The following GPR158 variants were observed in gnomAD, a reference collection of about 807,000 sequenced individuals.
GPR158 encodes metabotropic glycine receptor.
GPR158 carries 30 observed loss-of-function variants against 78.2 expected under a neutral mutation model. The ratio of observed to expected loss-of-function variants is 0.38; its 90% CI spans 0.29 to 0.52. GPR158 has a LOEUF of 0.52. Ranked by LOEUF, GPR158 falls within the 20% of genes least tolerant of loss-of-function variation. GPR158 has a pLI of 0.83. For synonymous variants in GPR158, 581 were observed against 591.1 expected (o/e 0.98, Z 0.25); for missense variants, 1,463 against 1,523.5 (o/e 0.96, Z 0.66).
intron 2 of GPR158, among the ~76,000 whole-genome samples, chr10:25,348,841 G>T (rs1429433677): frequency 6.6e-6 from 1 of 151,962 alleles, no homozygotes; most frequent in Non-Finnish European, 1.5e-5. Context: ...CCTGAAACTT[G>T]CTTTGAAGAT....
chr10:25,380,136 G>A (rs767204909), intron 2 of GPR158, among the ~76,000 whole-genome samples: 12 of 151,830 alleles, frequency 7.9e-5, no homozygotes, highest in Admixed American at 2.0e-4. Flanking sequence ...TGTCATGCTT[G>A]TGCTAGGATT....
At chr10:25,420,870 T>G (rs1032368279) in intron 4 of GPR158, among the ~76,000 whole-genome samples, 2 of 152,204 alleles carry the variant, frequency 1.3e-5, no homozygotes, top group African/African-American at 2.4e-5. Context: ...TACTATATCT[T>G]TGTAGTAAAT....
At chr10:25,565,614 T>C (rs546479437) in intron 6 of GPR158, among the ~76,000 whole-genome samples, 1 of 152,238 alleles carries the variant, frequency 6.6e-6, no homozygotes, top group African/African-American at 2.4e-5. Flanking sequence ...AGTAAGAAGA[T>C]AGGAGTTTTG....
At chr10:25,243,308 G>A (rs1166351689) in intron 2 of GPR158, among the ~76,000 whole-genome samples, 1 of 145,586 alleles carries the variant, frequency 6.9e-6, no homozygotes, top group Non-Finnish European at 1.6e-5. Flanking sequence ...GTCATCAATA[G>A]AAGCAAGCTG....
intron 5 of GPR158, among the ~76,000 whole-genome samples, chr10:25,491,189 A>C (rs748400976): frequency 1.3e-5 from 2 of 152,160 alleles, no homozygotes; most frequent in African/African-American, 2.4e-5. Context: ...TTTGTAAAAG[A>C]GTCAATTATT....
At chr10:25,421,678 T>C (rs1276404871) in intron 4 of GPR158, among the ~76,000 whole-genome samples, 2 of 152,200 alleles carry the variant, frequency 1.3e-5, no homozygotes, top group Non-Finnish European at 2.9e-5. Flanking sequence ...CTAATAAATA[T>C]AACATTACTT....
chr10:25,476,919 G>T (rs1427340602), intron 5 of GPR158, among the ~76,000 whole-genome samples: 1 of 152,046 alleles, frequency 6.6e-6, no homozygotes, highest in Non-Finnish European at 1.5e-5. Context: ...GTAAGTTCCC[G>T]AGGAGCTTGG....
chr10:25,417,755 A>G (rs1834682599), intron 4 of GPR158, among the ~76,000 whole-genome samples: 1 of 152,154 alleles, frequency 6.6e-6, no homozygotes, highest in Admixed American at 6.5e-5. Flanking sequence ...GAAGAGAAGT[A>G]CATGCTCTCA....
intron 4 of GPR158, among the ~76,000 whole-genome samples, chr10:25,443,233 G>T (rs1835091730): frequency 6.6e-6 from 1 of 152,020 alleles, no homozygotes; most frequent in African/African-American, 2.4e-5. Flanking sequence ...CTATAGGCAG[G>T]TACTGCCATG....
chr10:25,390,022 G>A (rs183447923), intron 2 of GPR158, among the ~76,000 whole-genome samples: 58 of 152,244 alleles, frequency 3.8e-4, no homozygotes, highest in Admixed American at 2.7e-3. Flanking sequence ...TTTATAAAGG[G>A]CAGTTCCTCT....
chr10:25,487,258 A>G (rs1003812702), intron 5 of GPR158, among the ~76,000 whole-genome samples: 2 of 152,134 alleles, frequency 1.3e-5, no homozygotes, highest in Non-Finnish European at 1.5e-5. Flanking sequence ...TAAGCAGCCT[A>G]CAAGACAAAA....
chr10:25,189,634 C>T (rs746211928), intron 1 of GPR158, among the ~76,000 whole-genome samples: 1 of 146,208 alleles, frequency 6.8e-6, no homozygotes, highest in Non-Finnish European at 1.5e-5. Context: ...AGGGGCCTGT[C>T]GTGGGGTTGG....
chr10:25,537,293 A>G (rs1195300088), intron 5 of GPR158, among the ~76,000 whole-genome samples: 4 of 152,342 alleles, frequency 2.6e-5, no homozygotes, highest in South Asian at 4.1e-4. Flanking sequence ...CAGCCTTAAT[A>G]TAGTAATATG....
chr10:25,312,536 A>G (rs116138344), intron 2 of GPR158, among the ~76,000 whole-genome samples: 2,698 of 152,236 alleles, frequency 0.018, 63 homozygotes, highest in African/African-American at 0.051. Flanking sequence ...CTTTAATCTG[A>G]ATAACCATAA....
In GPR158 at chr10:25,341,843, AAAAC is replaced by A. The variant is rs201648836; in HGVS notation, c.1009-54064_1009-54061del. Among the ~76,000 whole-genome samples the A allele has an allele frequency of 5.7e-3, 860 of 151,984 alleles. 8 individuals are homozygous for A. Among genetic ancestry groups the A allele is most frequent in the African/African-American group, 0.02 (810 of 41,482 alleles). On this transcript the variant is annotated intron_variant, in intron 2 of 10. Transcript: ENST00000376351. ...TTTATATGTATTCTGAAAAAAAACAAAAACAAAAACAAAAAAAAACAGAGCAAAT... is the reference window on the plus strand; with the variant it reads ...TTTATATGTATTCTGAAAAAAAACAAAAAAACAAAAAAAAACAGAGCAAAT...
At chr10:25,366,361 T>A (rs1855723636) in intron 2 of GPR158, among the ~76,000 whole-genome samples, 1 of 109,444 alleles carries the variant, frequency 9.1e-6, no homozygotes, top group Admixed American at 8.8e-5. Flanking sequence ...TTGTGAGGTT[T>A]CTATTCTCAC....
intron 2 of GPR158, among the ~76,000 whole-genome samples, chr10:25,224,838 C>T (rs964085134): frequency 1.3e-5 from 2 of 152,048 alleles, no homozygotes; most frequent in South Asian, 2.1e-4. Flanking sequence ...CAAACTAATT[C>T]GAAACCTGGT....
chr10:25,380,003 G>A (rs141358032), intron 2 of GPR158, among the ~76,000 whole-genome samples: 42 of 150,540 alleles, frequency 2.8e-4, no homozygotes, highest in African/African-American at 9.8e-4. Context: ...TTATCCAGAT[G>A]TTCTAATTGT....
intron 1 of GPR158, among the ~76,000 whole-genome samples, chr10:25,216,802 A>G (rs1853222209): frequency 6.6e-6 from 1 of 152,170 alleles, no homozygotes; most frequent in Non-Finnish European, 1.5e-5. Flanking sequence ...GATTTCAGGT[A>G]TAAAGACGTC....
Sources: gnomAD v4.1 joint callset for allele counts (sites outside exome capture counted in the v4.1 genomes callset) on GRCh38, gnomAD v4.1.1 for gene constraint, MANE v1.5 for transcripts, NCBI Gene and HGNC (gene_info 2026-07-23, HGNC 2026-07-21) for gene names.